Variants in MYLK4 observed in about 807,000 individuals in gnomAD.
MYLK4 encodes the protein caMLCK like.
Under a neutral mutation model 48.1 loss-of-function variants are expected in MYLK4, and 46 were observed. That is an observed-to-expected ratio of 0.96 (90% CI 0.75 to 1.22). The LOEUF (loss-of-function observed/expected upper bound fraction) is 1.22, where lower values mean the gene tolerates loss of function less well. Ranked by LOEUF, MYLK4 falls within the 50% of genes most tolerant of loss-of-function variation. MYLK4 has a pLI of 0.00. For missense variants in MYLK4, 451 were observed against 486.1 expected, an observed-to-expected ratio of 0.93 and a Z score of 0.68; for synonymous variants, 170 against 180.8, an observed-to-expected ratio of 0.94 and a Z score of 0.48.
intron 2 of MYLK4, among the ~76,000 whole-genome samples, chr6:2,702,278 C>A (rs1019964235): frequency 2.1e-4 from 32 of 152,192 alleles, no homozygotes; most frequent in African/African-American, 7.2e-4. Context: ...AGGATGAAAA[C>A]CAAGGCAAAC....
At chr6:2,700,623 AAAT>A (rs1185509124) in intron 2 of MYLK4, among the ~76,000 whole-genome samples, 5 of 152,146 alleles carry the variant, frequency 3.3e-5, no homozygotes, top group Non-Finnish European at 5.9e-5. Flanking sequence ...ACGTGTGTGG[AAAT>A]GAGGCCAAGG....
At chr6:2,764,953 T>C in the MYLK4 span, among the ~76,000 whole-genome samples, 1 of 152,210 alleles carries the variant, frequency 6.6e-6, no homozygotes, top group African/African-American at 2.4e-5. Flanking sequence ...TTTGGGTTTT[T>C]TCCCCCATTT....
At chr6:2,765,807 A>G in the MYLK4 span, 1 of 1,368,172 alleles carries the variant, frequency 7.3e-7, no homozygotes, top group African/African-American at 1.5e-5. Context: ...GAGCGGGCCA[A>G]GGGGCCCTCG....
In MYLK4 at chr6:2,702,021, G is replaced by A. The variant is rs115331846; in HGVS notation, c.160-9162C>T. On this transcript the variant is annotated intron_variant, in intron 2 of 12. Transcript: ENST00000274643. ...ACTCAGAGGGAAGCCAGTGAGGAGCGGGGAGGGAGTCGAGACAGCATTCAC... is the reference window on the plus strand; with the variant it reads ...ACTCAGAGGGAAGCCAGTGAGGAGCAGGGAGGGAGTCGAGACAGCATTCAC... 7.3e-3 allele frequency among the ~76,000 whole-genome samples: 1,112 copies of A among 152,304 alleles called. 13 individuals carry two copies. The highest frequency in any genetic ancestry group is 0.025 in the African/African-American group (1,051 of 41,560).
At chr6:2,723,614 T>C (rs1208226666) in intron 2 of MYLK4, among the ~76,000 whole-genome samples, 1 of 152,222 alleles carries the variant, frequency 6.6e-6, no homozygotes, top group East Asian at 1.9e-4. Context: ...TTTTCACTCA[T>C]GGCCCCATCA....
intron 2 of MYLK4, 128 bp downstream of exon 2, chr6:2,749,008 A>G: frequency 1.2e-6 from 1 of 822,840 alleles, no homozygotes; most frequent in Non-Finnish European, 1.9e-6. Flanking sequence ...CACAATTCTC[A>G]CTGAAGCAAA....
the MYLK4 span, chr6:2,765,980 G>A: frequency 6.4e-6 from 9 of 1,399,822 alleles, no homozygotes; most frequent in African/African-American, 1.5e-5. Flanking sequence ...ACCCAGCGGC[G>A]CCCGCCTTAT....
In MYLK4 at chr6:2,718,918, G is replaced by A. The variant is rs1227696178; in HGVS notation, c.160-26059C>T. On this transcript the variant is annotated intron_variant, in intron 2 of 12. Coordinates refer to ENST00000274643, the MANE Select transcript of MYLK4 (RefSeq NM_001012418.5). Reference sequence around the variant, plus strand: ...AATGTTTTTCTTTTACATTAAGAACGCCTTTAGATATGGCTAGAAGTCACG... The same window carrying A: ...AATGTTTTTCTTTTACATTAAGAACACCTTTAGATATGGCTAGAAGTCACG... 2.6e-5 allele frequency among the ~76,000 whole-genome samples: 4 copies of A among 152,172 alleles called. No homozygotes were observed. In the East Asian group the frequency reaches 5.8e-4, roughly 22 times the overall value.
intron 10 of MYLK4, among the ~76,000 whole-genome samples, chr6:2,677,669 G>A (rs1318239439): frequency 1.3e-5 from 2 of 152,208 alleles, no homozygotes; most frequent in Non-Finnish European, 2.9e-5. Flanking sequence ...GTGTGCGGCC[G>A]TTGGGGAAGG....
intron 2 of MYLK4, among the ~76,000 whole-genome samples, chr6:2,744,903 G>C (rs149595462): frequency 5.3e-5 from 8 of 152,338 alleles, no homozygotes; most frequent in African/African-American, 1.9e-4. Flanking sequence ...TTTGCTTAGG[G>C]GTCTTCCAGG....
chr6:2,770,149 G>A, the MYLK4 span: 28 of 1,614,080 alleles, frequency 1.7e-5, no homozygotes, highest in Admixed American at 2.7e-4. Context: ...TGGAATGTGG[G>A]ACGATCACTC....
chr6:2,721,203 T>C (rs563972445), intron 2 of MYLK4, among the ~76,000 whole-genome samples: 19 of 152,108 alleles, frequency 1.2e-4, no homozygotes, highest in Admixed American at 1.0e-3. Flanking sequence ...TAAGAGAACA[T>C]GAAACTATCC....
In MYLK4 at chr6:2,724,293, C is replaced by A. The variant is rs554228658; in HGVS notation, c.159+24843G>T. ...TGCTTAGTCATTGTCACCAAAAACC[C>A]ATGTCTCCCAGTGTTCCTGCTCCTG... On this transcript the variant is annotated intron_variant, in intron 2 of 12. Transcript: ENST00000274643. 2.0e-5 allele frequency among the ~76,000 whole-genome samples: 3 copies of A among 152,304 alleles called. No individual in the cohort carries two copies. In the South Asian group the frequency reaches 6.2e-4, roughly 32 times the overall value.
chr6:2,701,867 C>G (rs1049238468), intron 2 of MYLK4, among the ~76,000 whole-genome samples: 10 of 152,198 alleles, frequency 6.6e-5, no homozygotes, highest in African/African-American at 2.2e-4. Context: ...AAGCGTTGAC[C>G]TAGTTAATAT....
chr6:2,756,795 G>A, the MYLK4 span, among the ~76,000 whole-genome samples: 1 of 152,176 alleles, frequency 6.6e-6, no homozygotes, highest in Non-Finnish European at 1.5e-5. Context: ...ATTGAGGAAA[G>A]TCTAAGGATA....
At chr6:2,736,341 G>C (rs962426869) in intron 2 of MYLK4, among the ~76,000 whole-genome samples, 2 of 152,246 alleles carry the variant, frequency 1.3e-5, no homozygotes, top group South Asian at 2.1e-4. Flanking sequence ...TGCAACCTCC[G>C]CCTCCCAGGT....
chr6:2,762,804 G>A, the MYLK4 span, among the ~76,000 whole-genome samples: 9 of 152,256 alleles, frequency 5.9e-5, no homozygotes, highest in East Asian at 1.3e-3. Flanking sequence ...GACCTTCCCG[G>A]AGACCGTTAG....
At chr6:2,726,261 G>C (rs953296035) in intron 2 of MYLK4, among the ~76,000 whole-genome samples, 1 of 152,208 alleles carries the variant, frequency 6.6e-6, no homozygotes, top group Admixed American at 6.5e-5. Flanking sequence ...AAAATGTTTT[G>C]GGTTATAGAC....
At chr6:2,750,143 G>T (rs1055465604) in intron 1 of MYLK4, among the ~76,000 whole-genome samples, 1 of 152,208 alleles carries the variant, frequency 6.6e-6, no homozygotes, top group Non-Finnish European at 1.5e-5. Context: ...ATTTGAATTT[G>T]TGCTAGTTCC....
Sources: gnomAD v4.1 joint callset for allele counts (sites outside exome capture counted in the v4.1 genomes callset) on GRCh38, gnomAD v4.1.1 for gene constraint, MANE v1.5 for transcripts, NCBI Gene and HGNC (gene_info 2026-07-23, HGNC 2026-07-21) for gene names.